CNTN1: variants seen among roughly 807,000 people sequenced by gnomAD.
CNTN1 encodes contactin-1.
CNTN1 carries 38 observed loss-of-function variants against 126.4 expected under a neutral mutation model. The ratio of observed to expected loss-of-function variants is 0.30; its 90% CI spans 0.23 to 0.39. The LOEUF is 0.39. CNTN1 is among the 10% of genes least tolerant of loss of function. The probability of loss-of-function intolerance (pLI) is 1.00; values close to 1 mark genes in which losing one functional copy is unlikely to be tolerated. For synonymous variants in CNTN1, 413 were observed against 422.6 expected (o/e 0.98, Z 0.28); for missense variants, 1,009 against 1,248.4 (o/e 0.81, Z 2.89).
At chr12:40,693,016 C>T (rs973170040) in intron 1 of CNTN1, among the ~76,000 whole-genome samples, 2 of 152,228 alleles carry the variant, frequency 1.3e-5, no homozygotes, top group Non-Finnish European at 2.9e-5. Context: ...CGCACCTGCT[C>T]ATCTTTCCCA....
chr12:41,027,501 C>A (rs1043624911), intron 21 of CNTN1, among the ~76,000 whole-genome samples: 1 of 152,050 alleles, frequency 6.6e-6, no homozygotes, highest in Non-Finnish European at 1.5e-5. Context: ...CTGTGAAATG[C>A]TCCAAAAATG....
chr12:40,785,509 C>T (rs1338087997), intron 1 of CNTN1, among the ~76,000 whole-genome samples: 2 of 152,078 alleles, frequency 1.3e-5, no homozygotes, highest in Admixed American at 6.6e-5. Context: ...AAAAGAAAGT[C>T]AGCAAAGGGT....
rs78461314 is a variant in CNTN1 at position 40,754,856 on chromosome 12, G to A, written c.-77+62264G>A. Among the ~76,000 whole-genome samples the A allele has an allele frequency of 3.9e-3, 588 of 151,796 alleles. 4 individuals carry two copies. Among genetic ancestry groups the A allele is most frequent in the African/African-American group, 0.014 (559 of 41,394 alleles). On this transcript the variant is annotated intron_variant, in intron 1 of 23. Transcript: ENST00000551295. Reference sequence around the variant, plus strand: ...TTCTATTAGTACCATTTTCAATATCGTTGTTGCTTTATAATATGTCCTCAT... The same window carrying A: ...TTCTATTAGTACCATTTTCAATATCATTGTTGCTTTATAATATGTCCTCAT...
intron 2 of CNTN1, 104 bp downstream of exon 2, chr12:40,908,597 A>C: frequency 1.3e-6 from 1 of 795,336 alleles, no homozygotes; most frequent in Non-Finnish European, 2.0e-6. Flanking sequence ...TTTTCTCGAC[A>C]TCTGGGTCAG....
intron 17 of CNTN1, among the ~76,000 whole-genome samples, chr12:40,994,889 G>A (rs771674094): frequency 2.6e-5 from 4 of 151,938 alleles, no homozygotes; most frequent in Non-Finnish European, 5.9e-5. Flanking sequence ...TTGAGAAGCC[G>A]ACTTTGAGAA....
intron 1 of CNTN1, among the ~76,000 whole-genome samples, chr12:40,810,158 C>G (rs1365655160): frequency 6.6e-6 from 1 of 152,022 alleles, no homozygotes. Flanking sequence ...AGTATTGTAG[C>G]GAATTTTGTT....
intron 17 of CNTN1, among the ~76,000 whole-genome samples, chr12:41,003,315 C>A (rs1212685331): frequency 3.3e-5 from 5 of 152,060 alleles, no homozygotes; most frequent in Non-Finnish European, 7.4e-5. Flanking sequence ...CATGGATGAG[C>A]TTTTTGATGT....
intron 17 of CNTN1, among the ~76,000 whole-genome samples, chr12:41,011,721 T>C (rs539958916): frequency 3.2e-4 from 48 of 152,296 alleles, no homozygotes; most frequent in Non-Finnish European, 5.3e-4. Flanking sequence ...ATTTGGGCAA[T>C]TGTTGCACTC....
chr12:40,814,324 T>C (rs1391457903), intron 1 of CNTN1, among the ~76,000 whole-genome samples: 1 of 152,210 alleles, frequency 6.6e-6, no homozygotes, highest in Non-Finnish European at 1.5e-5. Context: ...GTTTTTATGG[T>C]TTTGTGTTTT....
intron 1 of CNTN1, among the ~76,000 whole-genome samples, chr12:40,891,234 T>C (rs1379287518): frequency 6.6e-6 from 1 of 152,162 alleles, no homozygotes; most frequent in African/African-American, 2.4e-5. Flanking sequence ...TATTTTTAAG[T>C]TTTAAGAATT....
intron 1 of CNTN1, among the ~76,000 whole-genome samples, chr12:40,790,770 C>T (rs925914717): frequency 2.0e-5 from 3 of 152,158 alleles, no homozygotes; most frequent in African/African-American, 7.2e-5. Flanking sequence ...TTTGTCCATA[C>T]ATTCTTCTCT....
chr12:41,067,921 G>A (rs1950081211), intron 23 of CNTN1, among the ~76,000 whole-genome samples: 2 of 152,154 alleles, frequency 1.3e-5, no homozygotes, highest in African/African-American at 4.8e-5. Flanking sequence ...TAGAAAAGTA[G>A]AAGATAAAAA....
chr12:40,927,665 G>T (rs954674878), intron 6 of CNTN1, among the ~76,000 whole-genome samples: 5 of 152,034 alleles, frequency 3.3e-5, no homozygotes, highest in African/African-American at 1.2e-4. Context: ...AATAAATTTA[G>T]ATTAATTATA....
At chr12:41,010,838 G>T (rs1948630882) in intron 17 of CNTN1, among the ~76,000 whole-genome samples, 1 of 151,400 alleles carries the variant, frequency 6.6e-6, no homozygotes, top group African/African-American at 2.4e-5. Flanking sequence ...TCCATCTGTG[G>T]CATCACCGGT....
chr12:40,692,502 G>A lies in CNTN1; in HGVS notation c.-167G>A, dbSNP rs1329962881. ...AGGCGAGGAGGGGCGCCGGTGGGGA[G>A]ATGCGCTCCCAGGTGTTTGCAGCGG... On this transcript the variant is annotated 5_prime_UTR_variant, in exon 1 of 24. Transcript: ENST00000551295. The A allele has an allele frequency of 6.6e-6, 1 of 152,662 alleles. No homozygotes were observed. Among genetic ancestry groups the A allele is most frequent in the Non-Finnish European group, 1.5e-5 (1 of 68,410 alleles). 9.5% of individuals were successfully genotyped at this position (152,662 alleles called of 1,614,324 possible).
At chr12:40,702,913 T>A (rs1295427648) in intron 1 of CNTN1, among the ~76,000 whole-genome samples, 2 of 152,216 alleles carry the variant, frequency 1.3e-5, no homozygotes, top group Non-Finnish European at 2.9e-5. Context: ...TCCAATGTTT[T>A]TTAAAAAAGA....
intron 13 of CNTN1, 130 bp from the exon 14 acceptor site, chr12:40,943,865 T>G: frequency 7.3e-7 from 1 of 1,379,306 alleles, no homozygotes; most frequent in South Asian, 1.3e-5. Flanking sequence ...GATATTGTTC[T>G]TGGAATTTGG....
At chr12:40,937,544 A>G (rs772365846) in intron 10 of CNTN1, 26 bp from the exon 11 acceptor site, 17 of 1,383,036 alleles carry the variant, frequency 1.2e-5, no homozygotes, top group Non-Finnish European at 1.6e-5. Flanking sequence ...TTCATTGAGA[A>G]TATGTTTCAA....
chr12:40,881,790 T>C (rs1251557329), intron 1 of CNTN1, among the ~76,000 whole-genome samples: 1 of 151,732 alleles, frequency 6.6e-6, no homozygotes, highest in Non-Finnish European at 1.5e-5. Context: ...CTCATGTGAG[T>C]TCTGGATAAT....
Sources: gnomAD v4.1 joint callset for allele counts (sites outside exome capture counted in the v4.1 genomes callset) on GRCh38, gnomAD v4.1.1 for gene constraint, MANE v1.5 for transcripts, NCBI Gene and HGNC (gene_info 2026-07-23, HGNC 2026-07-21) for gene names.